Variants in NDUFAF6 observed in about 807,000 individuals in gnomAD.
NDUFAF6 encodes NADH:ubiquinone oxidoreductase complex assembly factor 6, also known as NADH dehydrogenase (ubiquinone) complex I, assembly factor 6.
In NDUFAF6, 45 loss-of-function variants were observed where a neutral mutation model predicts 40.8. That is an observed-to-expected ratio of 1.10 (90% confidence interval 0.87 to 1.42). The LOEUF (loss-of-function observed/expected upper bound fraction) is 1.42, where lower values mean the gene tolerates loss of function less well. Ranked by LOEUF, NDUFAF6 falls within the 40% of genes most tolerant of loss-of-function variation. The pLI, the probability that NDUFAF6 is intolerant of heterozygous loss-of-function variation, is 0.00. For synonymous variants in NDUFAF6, 185 were observed against 155.9 expected (o/e 1.19, Z -1.39); for missense variants, 435 against 418.5 (o/e 1.04, Z -0.34).
At chr8:95,024,923 G>C (rs1175703353), upstream of NDUFAF6, 2 of 1,160,214 alleles carry the variant, frequency 1.7e-6, no homozygotes, top group Non-Finnish European at 2.2e-6. Context: ...GCGACTCAAA[G>C]GAGCATAGGG....
At chr8:94,963,525 A>G (rs190623144) in intron 1 of NDUFAF6, among the ~76,000 whole-genome samples, 147 of 152,352 alleles carry the variant, frequency 9.6e-4, no homozygotes, top group Middle Eastern at 6.8e-3. Flanking sequence ...GGAAGCAAAG[A>G]GAAAAAAGCT....
At chr8:95,038,056 A>C (rs1163197876) in intron 3 of NDUFAF6, among the ~76,000 whole-genome samples, 1 of 151,932 alleles carries the variant, frequency 6.6e-6, no homozygotes, top group African/African-American at 2.4e-5. Context: ...GCTAATTAAA[A>C]AATTTTTTTT....
At chr8:95,076,861 G>A (rs918491859), downstream of NDUFAF6, among the ~76,000 whole-genome samples, 8 of 110,426 alleles carry the variant, frequency 7.2e-5, no homozygotes, top group East Asian at 2.7e-4. Flanking sequence ...CAACAAGAGC[G>A]AAACTCCGTC....
chr8:94,943,827 G>A (rs1438681140), intron 1 of NDUFAF6, among the ~76,000 whole-genome samples: 1 of 152,188 alleles, frequency 6.6e-6, no homozygotes, highest in Non-Finnish European at 1.5e-5. Context: ...AGTGTCACTT[G>A]CATAACCAGT....
intron 2 of NDUFAF6, among the ~76,000 whole-genome samples, chr8:95,016,115 T>C (rs1827434255): frequency 6.6e-6 from 1 of 151,978 alleles, no homozygotes; most frequent in African/African-American, 2.4e-5. Flanking sequence ...ACTGAATGTT[T>C]AGCTTCTCCC....
intron 4 of NDUFAF6, among the ~76,000 whole-genome samples, chr8:95,115,213 T>A (rs1810105787): frequency 6.6e-6 from 1 of 152,144 alleles, no homozygotes; most frequent in African/African-American, 2.4e-5. Flanking sequence ...GTCTAAAAAG[T>A]TTGTCTTGAA....
chr8:95,043,398 T>C (rs1223673410), intron 4 of NDUFAF6, among the ~76,000 whole-genome samples: 2 of 152,044 alleles, frequency 1.3e-5, no homozygotes, highest in Non-Finnish European at 2.9e-5. Flanking sequence ...GCAGTGGTTT[T>C]TTAGATGTGA....
upstream of NDUFAF6, among the ~76,000 whole-genome samples, chr8:95,097,097 G>A (rs1307650350): frequency 1.3e-5 from 2 of 152,204 alleles, no homozygotes; most frequent in South Asian, 2.1e-4. Context: ...TCATTTGTAC[G>A]TTTTCATCTC....
At chr8:95,106,266 C>T (rs1809840378), downstream of NDUFAF6, among the ~76,000 whole-genome samples, 1 of 148,166 alleles carries the variant, frequency 6.7e-6, no homozygotes, top group South Asian at 2.1e-4. Context: ...CAGAGCAAGA[C>T]TCCATCTCAA....
chr8:94,967,875 A>T (rs2131514194), intron 1 of NDUFAF6, among the ~76,000 whole-genome samples: 1 of 151,434 alleles, frequency 6.6e-6, no homozygotes, highest in African/African-American at 2.4e-5. Context: ...TGCGAGACAG[A>T]GGTTGCAGTG....
intron 2 of NDUFAF6, chr8:95,085,465 T>C (rs1345297017): frequency 1.3e-5 from 2 of 152,112 alleles, no homozygotes; most frequent in Non-Finnish European, 2.9e-5. Context: ...ACTCATAAAA[T>C]TGGACAGGCG....
chr8:94,999,661 C>T (rs1020838418), intron 2 of NDUFAF6, among the ~76,000 whole-genome samples: 28 of 152,104 alleles, frequency 1.8e-4, no homozygotes. Flanking sequence ...AGGTGATCCA[C>T]CCACCTCGGT....
At chr8:95,112,904 C>T (rs16917352) in intron 4 of NDUFAF6, among the ~76,000 whole-genome samples, 4,367 of 152,332 alleles carry the variant, frequency 0.029, 192 homozygotes, top group African/African-American at 0.1. Flanking sequence ...GAATGGACGC[C>T]AGTTGCCACG....
chr8:94,899,959 CACCTTGGG>C (rs1443293880), intron 1 of NDUFAF6, among the ~76,000 whole-genome samples: 2 of 152,222 alleles, frequency 1.3e-5, no homozygotes, highest in Non-Finnish European at 2.9e-5. Context: ...CTGTCCTTCT[CACCTTGGG>C]ACCTTGGCAC....
chr8:94,933,316 A>G (rs1820611632), intron 1 of NDUFAF6, among the ~76,000 whole-genome samples: 1 of 152,212 alleles, frequency 6.6e-6, no homozygotes, highest in Non-Finnish European at 1.5e-5. Flanking sequence ...ATGAATGCAA[A>G]AACAAACAAG....
At chr8:94,901,126 G>A (rs185662857) in intron 1 of NDUFAF6, among the ~76,000 whole-genome samples, 2 of 152,116 alleles carry the variant, frequency 1.3e-5, no homozygotes, top group African/African-American at 2.4e-5. Context: ...CATACAAATA[G>A]GAAGGAAGAA....
At chr8:95,080,697 A>G (rs1808824167), downstream of NDUFAF6, among the ~76,000 whole-genome samples, 1 of 151,978 alleles carries the variant, frequency 6.6e-6, no homozygotes, top group Non-Finnish European at 1.5e-5. Flanking sequence ...TTTTGTAGTG[A>G]TGGGGTTTCA....
At chr8:94,919,886 A>G (rs1229671894) in intron 1 of NDUFAF6, among the ~76,000 whole-genome samples, 4 of 152,260 alleles carry the variant, frequency 2.6e-5, no homozygotes, top group Admixed American at 2.6e-4. Flanking sequence ...ATGACAAATT[A>G]AGAAATCCAC....
At chr8:95,038,893 T>C (rs1250221852) in intron 3 of NDUFAF6, among the ~76,000 whole-genome samples, 1 of 151,522 alleles carries the variant, frequency 6.6e-6, no homozygotes, top group Non-Finnish European at 1.5e-5. Context: ...ATGGTCTCCA[T>C]CTCTTGACCT....
Sources: gnomAD v4.1 joint callset for allele counts (sites outside exome capture counted in the v4.1 genomes callset) on GRCh38, gnomAD v4.1.1 for gene constraint, MANE v1.5 for transcripts, NCBI Gene and HGNC (gene_info 2026-07-23, HGNC 2026-07-21) for gene names.